The following BANP variants were observed in gnomAD, a reference collection of about 807,000 sequenced individuals.
BANP encodes protein BANP.
In BANP, 11 loss-of-function variants were observed where a neutral mutation model predicts 68.1. The observed-to-expected ratio is 0.16, with a 90% CI of 0.10 to 0.27. BANP has a LOEUF of 0.27. Among genes scored for constraint, BANP ranks in the 10% least tolerant of loss-of-function variants. BANP has a pLI of 1.00. For missense variants in BANP, 504 were observed against 722.7 expected, an observed-to-expected ratio of 0.70 and a Z score of 3.47; for synonymous variants, 329 against 303.2, an observed-to-expected ratio of 1.09 and a Z score of -0.88.
intron 1 of BANP, among the ~76,000 whole-genome samples, chr16:87,971,634 GTTGTA>G (rs1407462431): frequency 6.0e-5 from 9 of 149,886 alleles, no homozygotes; most frequent in Admixed American, 2.0e-4. Context: ...CTGTCTTGGT[GTTGTA>G]TCTTGGTGTT....
At chr16:87,970,746 G>A (rs747048333) in intron 1 of BANP, among the ~76,000 whole-genome samples, 2 of 152,118 alleles carry the variant, frequency 1.3e-5, no homozygotes, top group Admixed American at 6.5e-5. Flanking sequence ...CCGGCCGGGC[G>A]CGGTGGCTCG....
chr16:87,984,014 AC>A (rs1222167826), intron 3 of BANP, 45 bp from the exon 4 acceptor site: 2 of 1,591,658 alleles, frequency 1.3e-6, no homozygotes, highest in Non-Finnish European at 1.7e-6. Context: ...TTGTCTTCTT[AC>A]AGTTCAGGAG....
intron 6 of BANP, among the ~76,000 whole-genome samples, chr16:88,008,052 C>G (rs992697907): frequency 6.6e-6 from 1 of 152,180 alleles, no homozygotes; most frequent in African/African-American, 2.4e-5. Context: ...CCTCCAGCCC[C>G]GGCACCCAGC....
chr16:88,063,973 T>C (rs562799369), intron 11 of BANP, among the ~76,000 whole-genome samples: 3 of 152,304 alleles, frequency 2.0e-5, no homozygotes, highest in African/African-American at 7.2e-5. Context: ...TTTTGATAAG[T>C]TTTTTAGAAA....
intron 8 of BANP, 91 bp downstream of exon 8, chr16:88,027,741 G>A (rs567716099): frequency 3.2e-5 from 47 of 1,471,884 alleles, no homozygotes; most frequent in African/African-American, 3.1e-4. Flanking sequence ...CGTGGCCAGC[G>A]GCTCCACCAG....
rs534400511 is a variant in BANP at position 88,072,564 on chromosome 16, C to A, written c.1521+352C>A. Reference sequence around the variant, plus strand: ...CCTTTAGCCGGAGAGCTCCCTGCCCCACTCGTTGAAGGTCTCAGCTCGGGG... The same window carrying A: ...CCTTTAGCCGGAGAGCTCCCTGCCCAACTCGTTGAAGGTCTCAGCTCGGGG... On this transcript the variant is annotated intron_variant, in intron 13 of 13. Transcript: ENST00000682872. Among the ~76,000 whole-genome samples the A allele has an allele frequency of 2.4e-3, 361 of 152,370 alleles. 2 individuals are homozygous for A. The highest frequency in any genetic ancestry group is 8.0e-3 in the African/African-American group (333 of 41,600).
chr16:88,006,252 C>G lies in BANP; in HGVS notation c.642C>G (p.Thr214=). The change falls in exon 6 of 14, where the codon ACC becomes ACG. Residue 214 remains threonine, a synonymous_variant. Coordinates refer to ENST00000682872, the MANE Select transcript of BANP (RefSeq NM_001386991.1). ...QSIGSNVTLI[T]LNSEEDYPNG... ...TCGGGAGCAACGTCACGCTCATCAC[C>G]CTGAACTCGGAAGGTGCGTCCAGGG... The G allele has an allele frequency of 6.2e-7, 1 of 1,604,272 alleles. No individual in the cohort carries two copies. Among genetic ancestry groups the G allele is most frequent in the South Asian group, 1.1e-5 (1 of 90,782 alleles).
At chr16:88,022,432 T>G (rs1340821446) in intron 7 of BANP, among the ~76,000 whole-genome samples, 1 of 152,194 alleles carries the variant, frequency 6.6e-6, no homozygotes, top group Non-Finnish European at 1.5e-5. Flanking sequence ...TTGCACAAGG[T>G]AAAAAGTTAT....
rs1208661909 is a variant in BANP, at chr16:88,053,868, T to TATCATCTCC, written c.1312-11393_1312-11392insTCCATCATC. On this transcript the variant is annotated intron_variant, in intron 11 of 13. Transcript: ENST00000682872. ...CCACTACCACCCCCACCTCCTTCAC[T>TATCATCTCC]ATCATCACCATCACCAACACAGTCC... Among the ~76,000 whole-genome samples, 289 of 88,156 alleles carry TATCATCTCC rather than the reference T, an allele frequency of 3.3e-3. 4 individuals carry two copies. Among genetic ancestry groups the TATCATCTCC allele is most frequent in the Non-Finnish European group, 4.4e-3 (168 of 37,956 alleles). The allele number at this position is 88,156 out of a possible 152,430, so 57.8% of individuals were successfully genotyped here.
At chr16:88,059,174 CCTG>C (rs1278153265) in intron 11 of BANP, among the ~76,000 whole-genome samples, 4 of 143,214 alleles carry the variant, frequency 2.8e-5, no homozygotes, top group African/African-American at 1.0e-4. Flanking sequence ...GGTCCATGCT[CCTG>C]CTGGTGGCGG....
rs539879585 is a variant in BANP, at chr16:87,961,965, C to T, written c.-69+10450C>T. On this transcript the variant is annotated intron_variant, in intron 1 of 13. Transcript: ENST00000682872. ...TAAGAAATGCATTTCTTAGGCTGGGCGCAGTGGCTCATTCCTGTAATCCCA... is the reference window on the plus strand; with the variant it reads ...TAAGAAATGCATTTCTTAGGCTGGGTGCAGTGGCTCATTCCTGTAATCCCA... Among the ~76,000 whole-genome samples the T allele has an allele frequency of 3.9e-5, 6 of 152,196 alleles. No individual in the cohort carries two copies. The East Asian group carries it at 7.7e-4, about 20-fold the overall frequency.
chr16:87,980,780 C>T, intron 2 of BANP: 1 of 458,554 alleles, frequency 2.2e-6, no homozygotes. Flanking sequence ...AGTCAGAAGT[C>T]AGAAGCTTGC....
chr16:88,014,803 C>T (rs1199953366), intron 6 of BANP, among the ~76,000 whole-genome samples: 1 of 152,012 alleles, frequency 6.6e-6, no homozygotes, highest in Non-Finnish European at 1.5e-5. Flanking sequence ...TGTTTGTGAT[C>T]TCCAGGTCCT....
rs1905901983 is a variant in BANP, at chr16:87,975,054, A to C, written c.-62A>C. 1 of 1,494,526 alleles carries C rather than the reference A, an allele frequency of 6.7e-7. No individual in the cohort carries two copies. Among genetic ancestry groups the C allele is most frequent in the Non-Finnish European group, 9.3e-7 (1 of 1,074,360 alleles). The allele number at this position is 1,494,526 out of a possible 1,614,324, so 92.6% of individuals were successfully genotyped here. ...CTTTGCTTCTGTTTGGTAGGTGACCAAAAGCCAGCCCCACTGTGAGTTGAA... is the reference window on the plus strand; with the variant it reads ...CTTTGCTTCTGTTTGGTAGGTGACCCAAAGCCAGCCCCACTGTGAGTTGAA... On this transcript the variant is annotated 5_prime_UTR_variant, in exon 2 of 14. Transcript: ENST00000682872.
chr16:88,060,192 C>T (rs932676405), intron 11 of BANP, among the ~76,000 whole-genome samples: 9 of 152,264 alleles, frequency 5.9e-5, no homozygotes, highest in African/African-American at 9.6e-5. Context: ...GTGGCAAGGC[C>T]GTATGTTTCT....
In BANP at chr16:88,032,984, A is replaced by G. The variant is rs533540989; in HGVS notation, c.1064-125A>G. The G allele has an allele frequency of 2.0e-5, 23 of 1,149,604 alleles. No individual in the cohort carries two copies. The South Asian group carries it at 4.6e-4, about 23-fold the overall frequency. 71.2% of individuals were successfully genotyped at this position (1,149,604 alleles called of 1,614,324 possible). A position where few individuals can be genotyped will look rare whatever the true frequency, so the allele number is the denominator to read the frequency against. Reference sequence around the variant, plus strand: ...AGTGGAGATGCAGTGAGTCGAGGAAAAATGAAGCATTTCCTCTTCTCTGCT... The same window carrying G: ...AGTGGAGATGCAGTGAGTCGAGGAAGAATGAAGCATTTCCTCTTCTCTGCT... On this transcript the variant is annotated intron_variant, in intron 8 of 13. Coordinates refer to ENST00000682872, the MANE Select transcript of BANP (RefSeq NM_001386991.1).
chr16:87,974,477 AAGC>A (rs2061665928), intron 1 of BANP, among the ~76,000 whole-genome samples: 1 of 152,224 alleles, frequency 6.6e-6, no homozygotes, highest in Admixed American at 6.5e-5. Context: ...AGCAGAAAGA[AAGC>A]AGAACAGAGG....
chr16:87,967,200 G>A (rs2060179590), intron 1 of BANP, among the ~76,000 whole-genome samples: 1 of 151,696 alleles, frequency 6.6e-6, no homozygotes, highest in African/African-American at 2.4e-5. Flanking sequence ...GATTAGGGGA[G>A]CCTCAGAAAC....
At chr16:88,021,331 G>T (rs1248639721) in intron 7 of BANP, among the ~76,000 whole-genome samples, 2 of 152,304 alleles carry the variant, frequency 1.3e-5, no homozygotes, top group African/African-American at 2.4e-5. Context: ...TCCCTCCGGG[G>T]TGGGGCTCCT....
Sources: allele counts gnomAD v4.1 joint callset (sites outside exome capture counted in the v4.1 genomes callset), GRCh38; gene constraint gnomAD v4.1.1; transcripts MANE v1.5; gene names NCBI Gene and HGNC (gene_info 2026-07-23, HGNC 2026-07-21).